IDO1: variants seen among roughly 807,000 people sequenced by gnomAD.
The protein encoded by IDO1 is indoleamine 2,3-dioxygenase 1.
IDO1 carries 35 observed loss-of-function variants against 38.8 expected under a neutral mutation model. The ratio of observed to expected loss-of-function variants is 0.90; its 90% CI spans 0.69 to 1.20. The LOEUF (loss-of-function observed/expected upper bound fraction) is 1.20, where lower values mean the gene tolerates loss of function less well. Among genes scored for constraint, IDO1 ranks in the 50% most tolerant of loss-of-function variants. The pLI, the probability that IDO1 is intolerant of heterozygous loss-of-function variation, is 0.00. For synonymous variants in IDO1, 171 were observed against 170.0 expected (o/e 1.01, Z -0.05); for missense variants, 509 against 485.1 (o/e 1.05, Z -0.46).
rs1390235556 is a variant in IDO1, at chr8:39,923,416, AAAAAAG to A, written c.538-49_538-44del. ...GAGACTCCGTCTCAAAAAAAAAAAA[AAAAAAG>A]AAAGAAAGAAAACCTTAAATGTTTG... On this transcript the variant is annotated intron_variant, in intron 6 of 9. Transcript: ENST00000518237. 2.2e-5 allele frequency: 26 copies of A among 1,171,804 alleles called. No homozygotes were observed. In the Admixed American group the frequency reaches 3.1e-4, roughly 14 times the overall value. 72.6% of individuals were successfully genotyped at this position (1,171,804 alleles called of 1,614,324 possible). A position where few individuals can be genotyped will look rare whatever the true frequency, so the allele number is the denominator to read the frequency against.
intron 8 of IDO1, 78 bp from the exon 9 acceptor site, chr8:39,925,145 A>T: frequency 7.6e-7 from 1 of 1,316,364 alleles, no homozygotes; most frequent in Non-Finnish European, 1.0e-6. Flanking sequence ...GTTCAGCACT[A>T]GTGCAAGATT....
At chr8:39,919,759 C>T (rs1293146326) in intron 4 of IDO1, among the ~76,000 whole-genome samples, 1 of 152,098 alleles carries the variant, frequency 6.6e-6, no homozygotes, top group African/African-American at 2.4e-5. Context: ...AGGATCACTT[C>T]AGCCCAAGAA....
intron 7 of IDO1, 147 bp from the exon 8 acceptor site, chr8:39,924,574 T>C (rs1021756327): frequency 1.0e-5 from 6 of 602,400 alleles, no homozygotes; most frequent in Non-Finnish European, 1.2e-5. Context: ...AGTGAATGCT[T>C]ATCTGCAGGG....
At position 39,922,430 on chromosome 8, in the gene IDO1, G is replaced by A. The variant is rs1026963553; in HGVS notation, c.438-122G>A. ...TATTCCCAACTACATAATGGAGATA[G>A]TAAGGCCTGCCACACCTCTCTCATA... On this transcript the variant is annotated intron_variant, in intron 5 of 9. Coordinates refer to ENST00000518237, the MANE Select transcript of IDO1 (RefSeq NM_002164.6). The A allele has an allele frequency of 2.2e-5, 15 of 684,798 alleles. No homozygotes were observed. The East Asian group carries it at 3.5e-4, about 16-fold the overall frequency. 42.4% of individuals were successfully genotyped at this position (684,798 alleles called of 1,614,324 possible).
At chr8:39,926,340 G>A (rs1475300735) in intron 9 of IDO1, among the ~76,000 whole-genome samples, 1 of 152,170 alleles carries the variant, frequency 6.6e-6, no homozygotes, top group Admixed American at 6.5e-5. Flanking sequence ...GAAAATGTAT[G>A]ATCAGACTCA....
chr8:39,921,994 G>T (rs375347285), intron 5 of IDO1, among the ~76,000 whole-genome samples: 6 of 151,918 alleles, frequency 3.9e-5, no homozygotes, highest in South Asian at 4.2e-4. Flanking sequence ...TGTTGTTGTT[G>T]TTTTGTTTTG....
chr8:39,919,205 C>T (rs1807231482), intron 4 of IDO1, among the ~76,000 whole-genome samples: 1 of 152,152 alleles, frequency 6.6e-6, no homozygotes, highest in South Asian at 2.1e-4. Context: ...CATACACCCA[C>T]CATTCTCAGT....
chr8:39,925,073 A>AC, intron 8 of IDO1, 150 bp from the exon 9 acceptor site: 1 of 732,936 alleles, frequency 1.4e-6, no homozygotes, highest in Non-Finnish European at 2.2e-6. Flanking sequence ...TCATGCTTGA[A>AC]AATGAGCAGG....
At chr8:39,919,620 A>G (rs1372392042) in intron 4 of IDO1, among the ~76,000 whole-genome samples, 9 of 152,222 alleles carry the variant, frequency 5.9e-5, no homozygotes, top group Non-Finnish European at 1.5e-5. Flanking sequence ...TGCAAATGGG[A>G]ATATCATAAA....
rs1161248059 is a variant in IDO1, at chr8:39,918,138, T to C, written c.234T>C (p.Leu78=). ...TCACAGACCACAAGTCACAGCGCCT[T>C]GCACGTCTAGTTCTGGGATGCATCA... ...DHLTDHKSQR[L]ARLVLGCITM... Residue 78 remains leucine (L), a synonymous_variant, in exon 3 of 10, where the codon CTT becomes CTC. Coordinates refer to ENST00000518237, the MANE Select transcript of IDO1 (RefSeq NM_002164.6). The C allele has an allele frequency of 1.2e-6, 2 of 1,613,986 alleles. No homozygotes were observed. The highest frequency in any genetic ancestry group is 8.5e-7 in the Non-Finnish European group (1 of 1,179,882).
rs766025154 is a variant in IDO1 at position 39,925,251 on chromosome 8, G to A, written c.736G>A (p.Gly246Ser). ...GAAAGGCAACCCCCAGCTATCAGAC[G>A]GTCTGGTGTATGAAGGGTTCTGGGA... is the stretch of plus-strand genomic sequence containing the variant. ...GWKGNPQLSD[G>S]LVYEGFWEDP... Residue 246 changes from glycine to serine, a missense_variant, in exon 9 of 10, where the codon GGT (glycine) becomes AGT (serine). Coordinates refer to ENST00000518237, the MANE Select transcript of IDO1 (RefSeq NM_002164.6). 62 of 1,607,048 alleles carry A rather than the reference G, an allele frequency of 3.9e-5. No homozygotes were observed. Among genetic ancestry groups the A allele is most frequent in the Admixed American group, 5.1e-5 (3 of 58,936 alleles).
chr8:39,919,089 C>T (rs776019970), intron 4 of IDO1, 156 bp downstream of exon 4: 8 of 749,716 alleles, frequency 1.1e-5, no homozygotes, highest in Non-Finnish European at 2.0e-5. Context: ...TCTTGGACTG[C>T]TGTGTCTACC....
intron 1 of IDO1, among the ~76,000 whole-genome samples, chr8:39,915,395 C>T (rs574065066): frequency 6.6e-6 from 1 of 152,280 alleles, no homozygotes; most frequent in South Asian, 2.1e-4. Flanking sequence ...TACTAGAGAG[C>T]ACCTTTAAAC....
intron 2 of IDO1, 30 bp downstream of exon 2, chr8:39,918,000 T>C: frequency 1.2e-6 from 2 of 1,610,968 alleles, no homozygotes; most frequent in South Asian, 1.1e-5. Context: ...TTTGTCTTCT[T>C]GTATAGCTTC....
Position 39,928,081 on chromosome 8 carries a change from G to A in IDO1, c.1108G>A (p.Asp370Asn). The A allele has an allele frequency of 1.2e-6, 2 of 1,613,138 alleles. No individual in the cohort carries two copies. Among genetic ancestry groups the A allele is most frequent in the Non-Finnish European group, 1.7e-6 (2 of 1,179,556 alleles). Residue 370 changes from aspartate (D) to asparagine (N), a missense_variant, in exon 10 of 10, where the codon GAC (aspartate) becomes AAC (asparagine). By Grantham distance (23) the Asp-to-Asn change is conservative. Coordinates refer to ENST00000518237, the MANE Select transcript of IDO1 (RefSeq NM_002164.6). ...QQPKENKTSE[D>N]PSKLEAKGTG... ...GCCAAAGGAGAATAAGACCTCTGAA[G>A]ACCCTTCAAAACTGGAAGCCAAAGG... is the stretch of plus-strand genomic sequence containing the variant.
intron 1 of IDO1, chr8:39,915,690 C>T (rs1204245958): frequency 6.6e-6 from 1 of 152,148 alleles, no homozygotes; most frequent in African/African-American, 2.4e-5. Context: ...ATCAATGGTA[C>T]AATAAAACCA....
intron 5 of IDO1, among the ~76,000 whole-genome samples, chr8:39,921,308 C>T (rs570549685): frequency 1.3e-5 from 2 of 151,714 alleles, no homozygotes; most frequent in South Asian, 4.2e-4. Flanking sequence ...CAAAAATTAG[C>T]GGGGCATGGT....
intron 5 of IDO1, among the ~76,000 whole-genome samples, chr8:39,921,544 G>A (rs1050894153): frequency 1.3e-5 from 2 of 152,118 alleles, no homozygotes; most frequent in African/African-American, 4.8e-5. Flanking sequence ...GAAACTGGAA[G>A]GTTTTTAAAA....
At chr8:39,918,311 A>C (rs148382113) in intron 3 of IDO1, 104 bp downstream of exon 3, 2 of 1,135,728 alleles carry the variant, frequency 1.8e-6, no homozygotes, top group African/African-American at 3.1e-5. Context: ...TGCATCATGC[A>C]AAGTTTAGAT....
Sources: allele counts gnomAD v4.1 joint callset (sites outside exome capture counted in the v4.1 genomes callset), GRCh38; gene constraint gnomAD v4.1.1; transcripts MANE v1.5; gene names NCBI Gene and HGNC (gene_info 2026-07-23, HGNC 2026-07-21).